PRKCB: variants seen among roughly 807,000 people sequenced by gnomAD.
The protein encoded by PRKCB is protein kinase C beta.
In PRKCB, 13 loss-of-function variants were observed where a neutral mutation model predicts 81.5. The observed-to-expected ratio is 0.16, with a 90% CI of 0.10 to 0.25. The LOEUF (loss-of-function observed/expected upper bound fraction) is 0.25, where lower values mean the gene tolerates loss of function less well. Ranked by LOEUF, PRKCB falls within the 10% of genes least tolerant of loss-of-function variation. The probability of loss-of-function intolerance (pLI) is 1.00; values close to 1 mark genes in which losing one functional copy is unlikely to be tolerated. For missense variants in PRKCB, 509 were observed against 875.7 expected (o/e 0.58, Z 5.29); for synonymous variants, 335 against 321.4 (o/e 1.04, Z -0.45).
intron 2 of PRKCB, among the ~76,000 whole-genome samples, chr16:23,892,096 G>T (rs1597231543): frequency 6.6e-6 from 1 of 151,946 alleles, no homozygotes; most frequent in East Asian, 1.9e-4. Flanking sequence ...ACAAATGCCT[G>T]TTAATAAGTG....
chr16:24,133,230 A>G (rs1966856162), intron 9 of PRKCB, among the ~76,000 whole-genome samples: 1 of 152,128 alleles, frequency 6.6e-6, no homozygotes, highest in Non-Finnish European at 1.5e-5. Flanking sequence ...AAAAAATTGC[A>G]TGCCTTATTT....
intron 8 of PRKCB, among the ~76,000 whole-genome samples, chr16:24,113,890 T>C (rs1309950307): frequency 4.6e-5 from 7 of 151,974 alleles, no homozygotes. Flanking sequence ...TGATGGTGAC[T>C]TGGACTGGAA....
chr16:24,182,902 T>TGTGTGTGTGTG (rs56902454), intron 13 of PRKCB, among the ~76,000 whole-genome samples: 2 of 151,432 alleles, frequency 1.3e-5, no homozygotes, highest in East Asian at 1.9e-4. Flanking sequence ...TGTGTGTGTG[T>TGTGTGTGTGTG]TTGAGACAGG....
intron 2 of PRKCB, among the ~76,000 whole-genome samples, chr16:23,870,165 A>C (rs1037074072): frequency 6.6e-6 from 1 of 152,232 alleles, no homozygotes; most frequent in African/African-American, 2.4e-5. Context: ...CAAAACATAC[A>C]AGCACCAAAC....
At chr16:23,994,791 C>T (rs1330584568) in intron 3 of PRKCB, among the ~76,000 whole-genome samples, 3 of 152,180 alleles carry the variant, frequency 2.0e-5, no homozygotes, top group Non-Finnish European at 4.4e-5. Context: ...TAAGACCCAC[C>T]AGAGCAGTTT....
chr16:23,943,534 CTT>C lies in PRKCB; in HGVS notation c.206-44970_206-44969del, dbSNP rs1164385701. Among the ~76,000 whole-genome samples, 6 of 151,990 alleles carry C rather than the reference CTT, an allele frequency of 3.9e-5. No homozygotes were observed. The South Asian group carries it at 1.0e-3, about 26-fold the overall frequency. On this transcript the variant is annotated intron_variant, in intron 2 of 16. Transcript: ENST00000643927. ...ATAGAGTGAGACTCTCTCTCTCTCT[CTT>C]TTTAAAGATACATGTGTGAATGTGT...
chr16:24,211,762 G>A (rs1248742632), intron 16 of PRKCB, among the ~76,000 whole-genome samples: 1 of 152,038 alleles, frequency 6.6e-6, no homozygotes, highest in Non-Finnish European at 1.5e-5. Context: ...ATTTCACCAT[G>A]TTGGCCAGGC....
chr16:24,057,342 TCCCATCGCTAGGG>T (rs1965916050), intron 5 of PRKCB, among the ~76,000 whole-genome samples: 1 of 152,126 alleles, frequency 6.6e-6, no homozygotes, highest in Admixed American at 6.5e-5. Flanking sequence ...TTGCCCAAAG[TCCCATCGCTAGGG>T]AGCGATGGGA....
At chr16:23,927,852 G>A (rs777428039) in intron 2 of PRKCB, among the ~76,000 whole-genome samples, 13 of 151,962 alleles carry the variant, frequency 8.6e-5, no homozygotes, top group Non-Finnish European at 1.5e-5. Context: ...CTCCCTTTTA[G>A]ACACCTAGTT....
intron 2 of PRKCB, among the ~76,000 whole-genome samples, chr16:23,927,343 G>C (rs1963911184): frequency 6.6e-6 from 1 of 152,024 alleles, no homozygotes; most frequent in South Asian, 2.1e-4. Context: ...CTGGAATGAA[G>C]GGCATGTTTG....
chr16:23,958,525 G>A (rs1596487349), intron 2 of PRKCB, among the ~76,000 whole-genome samples: 2 of 150,522 alleles, frequency 1.3e-5, no homozygotes, highest in South Asian at 4.2e-4. Context: ...GGCTGATCTC[G>A]AACTCCTGAC....
chr16:24,174,814 G>A, intron 12 of PRKCB: 2 of 455,624 alleles, frequency 4.4e-6, no homozygotes, highest in South Asian at 9.1e-5. Flanking sequence ...ATGGTTCAGA[G>A]CCTCAAACAG....
rs2141996683 is a variant in PRKCB at position 24,216,037 on chromosome 16, C to A, written c.*1221C>A. On this transcript the variant is annotated 3_prime_UTR_variant, in exon 17 of 17. Transcript: ENST00000643927. Reference sequence around the variant, plus strand: ...AGAAATACTATTTCAAGGAAAACTGCTCTTTTTGAGAAACGTGGACCTAAA... The same window carrying A: ...AGAAATACTATTTCAAGGAAAACTGATCTTTTTGAGAAACGTGGACCTAAA... 1.0e-6 allele frequency: 1 copy of A among 984,654 alleles called. No individual in the cohort carries two copies. The highest frequency in any genetic ancestry group is 1.1e-4 in the East Asian group (1 of 8,806). The allele number at this position is 984,654 out of a possible 1,614,324, so 61.0% of individuals were successfully genotyped here.
intron 5 of PRKCB, among the ~76,000 whole-genome samples, chr16:24,051,709 T>TA (rs980736425): frequency 1.3e-5 from 2 of 151,456 alleles, no homozygotes; most frequent in African/African-American, 2.4e-5. Context: ...CCCCTGTCCC[T>TA]AAAAAAAATT....
chr16:23,847,360 CTA>C (rs1962388754), intron 2 of PRKCB, among the ~76,000 whole-genome samples: 1 of 43,060 alleles, frequency 2.3e-5, no homozygotes, highest in African/African-American at 9.8e-5. Context: ...ATCTATCTAT[CTA>C]TCTATCTATC....
intron 13 of PRKCB, among the ~76,000 whole-genome samples, chr16:24,182,184 C>T (rs773477784): frequency 1.8e-4 from 27 of 152,086 alleles, no homozygotes; most frequent in Non-Finnish European, 2.8e-4. Context: ...CTCTGGTTCT[C>T]AACTCTAACT....
At position 23,837,444 on chromosome 16, in the gene PRKCB, G is replaced by C. The variant is rs569130040; in HGVS notation, c.205+38G>C. ...GCTTTGGGGATGCTATTTGTGGGAA[G>C]AGAGGGTGAAAAATACTTTATAGAA... On this transcript the variant is annotated intron_variant, in intron 2 of 16. Transcript: ENST00000643927. 4 of 1,593,168 alleles carry C rather than the reference G, an allele frequency of 2.5e-6. No homozygotes were observed. In the African/African-American group the frequency reaches 5.4e-5, roughly 22 times the overall value.
chr16:24,176,935 A>G (rs198136), intron 12 of PRKCB, among the ~76,000 whole-genome samples: 13,900 of 151,752 alleles, frequency 0.092, 648 homozygotes, highest in Middle Eastern at 0.12. Context: ...GCCATATGAC[A>G]TGATCCCTAA....
At chr16:23,868,276 C>T (rs1962841505) in intron 2 of PRKCB, among the ~76,000 whole-genome samples, 1 of 152,136 alleles carries the variant, frequency 6.6e-6, no homozygotes, top group African/African-American at 2.4e-5. Context: ...TGCACTGACC[C>T]GTTTTGCAGA....
Sources: allele counts gnomAD v4.1 joint callset (sites outside exome capture counted in the v4.1 genomes callset), GRCh38; gene constraint gnomAD v4.1.1; transcripts MANE v1.5; gene names NCBI Gene and HGNC (gene_info 2026-07-23, HGNC 2026-07-21).